The following GABRA3 variants were observed in gnomAD, a reference collection of about 807,000 sequenced individuals.
GABRA3 encodes the protein gamma-aminobutyric acid type A receptor subunit alpha3, also known as gamma-aminobutyric acid receptor subunit alpha-3.
In GABRA3, 10 loss-of-function variants were observed where a neutral mutation model predicts 30.1. The ratio of observed to expected loss-of-function variants is 0.33; its 90% CI spans 0.20 to 0.56. The LOEUF (loss-of-function observed/expected upper bound fraction) is 0.56, where lower values mean the gene tolerates loss of function less well. Ranked by LOEUF, GABRA3 falls within the 20% of genes least tolerant of loss-of-function variation. The pLI, the probability that GABRA3 is intolerant of heterozygous loss-of-function variation, is 0.89. For missense variants in GABRA3, 233 were observed against 392.0 expected (o/e 0.59, Z 3.42); for synonymous variants, 151 against 146.8 (o/e 1.03, Z -0.21).
chrX:152,294,760 G>C (rs1939494356), intron 3 of GABRA3, among the ~76,000 whole-genome samples: 1 of 111,938 alleles, frequency 8.9e-6, no homozygotes, highest in Non-Finnish European at 1.9e-5. Flanking sequence ...CCCCATCTTT[G>C]TTGTTTTATC....
At chrX:152,199,922 G>C (rs1277833033) in intron 7 of GABRA3, among the ~76,000 whole-genome samples, 1 of 110,684 alleles carries the variant, frequency 9.0e-6, no homozygotes, top group Non-Finnish European at 1.9e-5. Flanking sequence ...TCCATAATTT[G>C]ACCACTTCTC....
At chrX:152,199,602 A>G (rs1937451505) in intron 7 of GABRA3, among the ~76,000 whole-genome samples, 2 of 110,795 alleles carry the variant, frequency 1.8e-5, no homozygotes, top group South Asian at 7.7e-4. Context: ...TTATTATAGG[A>G]GCCTTAAGAT....
rs1329369224 is a variant in GABRA3 at position 152,328,312 on chromosome X, C to T, written c.262+17269G>A. 3.6e-5 allele frequency among the ~76,000 whole-genome samples: 4 copies of T among 111,722 alleles called. No individual in the cohort carries two copies. The Admixed American group carries it at 3.8e-4, about 11-fold the overall frequency. Reference sequence around the variant, plus strand: ...CCATTCCTTCTGAAACTATTCCAATCAATAGAAGAAGGGGGAATCCTCTCT... The same window carrying T: ...CCATTCCTTCTGAAACTATTCCAATTAATAGAAGAAGGGGGAATCCTCTCT... On this transcript the variant is annotated intron_variant, in intron 3 of 9. Transcript: ENST00000370314.
intron 4 of GABRA3, among the ~76,000 whole-genome samples, chrX:152,283,856 G>A (rs1322829452): frequency 3.6e-5 from 4 of 112,110 alleles, no homozygotes; most frequent in African/African-American, 1.3e-4. Flanking sequence ...TAGGATTTTT[G>A]CTTGCAACAC....
chrX:152,290,243 TTGC>T (rs760000032), intron 3 of GABRA3, among the ~76,000 whole-genome samples: 1 of 112,422 alleles, frequency 8.9e-6, no homozygotes, highest in South Asian at 3.7e-4. Context: ...TGGTTTTGAT[TTGC>T]ATTTCTCTGA....
At chrX:152,198,759 C>A (rs780690805) in intron 7 of GABRA3, among the ~76,000 whole-genome samples, 1 of 111,964 alleles carries the variant, frequency 8.9e-6, no homozygotes, top group East Asian at 2.8e-4. Flanking sequence ...CTCACTCAGA[C>A]GCTGGCAATT....
At chrX:152,220,621 T>C (rs1937814467) in intron 6 of GABRA3, among the ~76,000 whole-genome samples, 1 of 111,961 alleles carries the variant, frequency 8.9e-6, no homozygotes, top group Non-Finnish European at 1.9e-5. Flanking sequence ...CACTATTAAA[T>C]AGCACCAAAC....
intron 9 of GABRA3, among the ~76,000 whole-genome samples, chrX:152,188,879 G>A (rs926763833): frequency 8.9e-6 from 1 of 111,857 alleles, no homozygotes; most frequent in Non-Finnish European, 1.9e-5. Context: ...TCTTCATCTA[G>A]TTCTAGCGAC....
chrX:152,283,100 A>G (rs930882359), intron 4 of GABRA3, among the ~76,000 whole-genome samples: 11 of 111,617 alleles, frequency 9.9e-5, no homozygotes, highest in Non-Finnish European at 1.7e-4. Context: ...GCTCGTAAGG[A>G]GTACTTGTTG....
chrX:152,301,244 C>T (rs1478560349), intron 3 of GABRA3, among the ~76,000 whole-genome samples: 2 of 111,445 alleles, frequency 1.8e-5, no homozygotes, highest in Non-Finnish European at 3.8e-5. Context: ...CCATCAATAC[C>T]AGAATCCTAT....
In GABRA3 at chrX:152,240,378, G is replaced by A. The variant is rs1436998607; in HGVS notation, c.551+15400C>T. ...CTGAGAGATCCGCTGTTAGTCTGAT[G>A]GGCTTCCCTTTGAGGGTAACCCGAC... is the stretch of plus-strand genomic sequence containing the variant. On this transcript the variant is annotated intron_variant, in intron 5 of 9. Transcript: ENST00000370314. Among the ~76,000 whole-genome samples the A allele has an allele frequency of 2.2e-5, 2 of 92,321 alleles. 1 individual carries two copies. Among genetic ancestry groups the A allele is most frequent in the Non-Finnish European group, 4.1e-5 (2 of 49,222 alleles). 80.2% of individuals were successfully genotyped at this position (92,321 alleles called of 115,157 possible).
intron 4 of GABRA3, among the ~76,000 whole-genome samples, chrX:152,280,095 C>T (rs1005715772): frequency 9.0e-6 from 1 of 111,348 alleles, no homozygotes; most frequent in African/African-American, 3.3e-5. Context: ...TAATTGAATA[C>T]CATTTATTTC....
intron 6 of GABRA3, among the ~76,000 whole-genome samples, chrX:152,214,593 T>G (rs1023122917): frequency 1.8e-5 from 2 of 111,178 alleles, no homozygotes; most frequent in Non-Finnish European, 3.8e-5. Flanking sequence ...TTTTAGAATG[T>G]TTTTTCTATT....
Position 152,364,601 on chromosome X carries a change from G to A in GABRA3, c.-26-5C>T. The A allele has an allele frequency of 8.5e-7, 1 of 1,172,324 alleles. No homozygotes were observed. Among genetic ancestry groups the A allele is most frequent in the East Asian group, 3.0e-5 (1 of 33,317 alleles). ...TAGGCACAAACTTGGAGAGACCTGT[G>A]AGATTCACAGTTTAGATAAGGGATA... is the stretch of plus-strand genomic sequence containing the variant. On this transcript the variant is annotated splice_polypyrimidine_tract_variant and splice_region_variant and intron_variant, in intron 1 of 9. Coordinates refer to ENST00000370314, the MANE Select transcript of GABRA3 (RefSeq NM_000808.4).
intron 1 of GABRA3, among the ~76,000 whole-genome samples, chrX:152,404,368 C>G (rs1929871229): frequency 9.0e-6 from 1 of 110,573 alleles, no homozygotes; most frequent in African/African-American, 3.3e-5. Flanking sequence ...TTTACCTCCC[C>G]CATACCCCAA....
intron 2 of GABRA3, among the ~76,000 whole-genome samples, chrX:152,349,761 C>T (rs1332049496): frequency 2.4e-5 from 2 of 83,974 alleles, no homozygotes; most frequent in Admixed American, 1.3e-4. Context: ...GCTAACTATC[C>T]TAAATATATA....
At chrX:152,327,225 G>C (rs1217900958) in intron 3 of GABRA3, among the ~76,000 whole-genome samples, 1 of 110,786 alleles carries the variant, frequency 9.0e-6, no homozygotes, top group Admixed American at 9.6e-5. Flanking sequence ...ACCTAAAAGA[G>C]ACTGAGACTC....
At chrX:152,349,330 G>A (rs995832198) in intron 2 of GABRA3, among the ~76,000 whole-genome samples, 18 of 110,592 alleles carry the variant, frequency 1.6e-4, no homozygotes, top group African/African-American at 2.6e-4. Context: ...AGGAACAACC[G>A]GTACCAGCCG....
chrX:152,361,527 C>T (rs919261929), intron 2 of GABRA3, among the ~76,000 whole-genome samples: 2 of 100,485 alleles, frequency 2.0e-5, no homozygotes, highest in Non-Finnish European at 2.0e-5. Context: ...GAGCTGAGAT[C>T]GCACCATTGC....
Sources: allele counts gnomAD v4.1 joint callset (sites outside exome capture counted in the v4.1 genomes callset), GRCh38; gene constraint gnomAD v4.1.1; transcripts MANE v1.5; gene names NCBI Gene and HGNC (gene_info 2026-07-23, HGNC 2026-07-21).